The following GPHN variants were observed in gnomAD, a reference collection of about 807,000 sequenced individuals.
GPHN encodes gephyrin.
In GPHN, 17 loss-of-function variants were observed where a neutral mutation model predicts 95.5. The ratio of observed to expected loss-of-function variants is 0.18; its 90% confidence interval spans 0.12 to 0.27. The LOEUF (loss-of-function observed/expected upper bound fraction) is 0.27. GPHN is among the 10% of genes least tolerant of loss of function. The probability of loss-of-function intolerance (pLI) is 1.00; values close to 1 mark genes in which losing one functional copy is unlikely to be tolerated. For missense variants in GPHN, 660 were observed against 978.1 expected (o/e 0.67, Z 4.34); for synonymous variants, 320 against 322.5 (o/e 0.99, Z 0.08).
chr14:67,713,888 A>C, the GPHN span, among the ~76,000 whole-genome samples: 19,213 of 152,178 alleles, frequency 0.13, 1,480 homozygotes, highest in South Asian at 0.33. Flanking sequence ...GGTAGGTGAG[A>C]GAAAAACAGC....
intron 18 of GPHN, among the ~76,000 whole-genome samples, chr14:67,148,897 C>G (rs1037567847): frequency 4.6e-5 from 7 of 151,946 alleles, no homozygotes; most frequent in Non-Finnish European, 1.0e-4. Flanking sequence ...TTCTCTCATT[C>G]TCTTTCCTTT....
At chr14:67,579,370 C>T in the GPHN span, 4 of 1,329,798 alleles carry the variant, frequency 3.0e-6, no homozygotes, top group South Asian at 3.3e-5. Context: ...CCAGAGAATA[C>T]CCCTGGGCCT....
intron 1 of GPHN, among the ~76,000 whole-genome samples, chr14:66,640,912 C>A (rs139096856): frequency 1.4e-3 from 207 of 152,244 alleles, no homozygotes; most frequent in African/African-American, 4.7e-3. Context: ...TATTGGTAAT[C>A]ACATTCAATA....
At chr14:66,958,395 A>G (rs1349849207) in intron 8 of GPHN, among the ~76,000 whole-genome samples, 1 of 152,182 alleles carries the variant, frequency 6.6e-6, no homozygotes, top group Non-Finnish European at 1.5e-5. Flanking sequence ...AATCTCTTGT[A>G]GATAGCATAG....
At chr14:66,619,494 T>A (rs2063195441) in intron 1 of GPHN, among the ~76,000 whole-genome samples, 1 of 151,868 alleles carries the variant, frequency 6.6e-6, no homozygotes, top group South Asian at 2.1e-4. Context: ...TCAGGTTTTT[T>A]TTTTTTTACC....
intron 20 of GPHN, among the ~76,000 whole-genome samples, chr14:67,165,865 T>C (rs534320770): frequency 6.6e-6 from 1 of 152,196 alleles, no homozygotes; most frequent in South Asian, 2.1e-4. Context: ...CAGTTCACGA[T>C]GATTTTCAAA....
the GPHN span, chr14:67,473,095 C>T: frequency 3.1e-6 from 1 of 323,246 alleles, no homozygotes. This position sits in a 1 kb window ranked among gnomAD's most constrained non-coding sequence, Gnocchi z 6.5. Flanking sequence ...GTCCCTTGGC[C>T]AGGACAGGGC....
chr14:66,514,232 TAAGATGAAATTAGAA>T (rs2058151831), intron 1 of GPHN, among the ~76,000 whole-genome samples: 1 of 151,996 alleles, frequency 6.6e-6, no homozygotes, highest in East Asian at 1.9e-4. Flanking sequence ...TATGAGGCTT[TAAGATGAAATTAGAA>T]ACTTCAAAGA....
chr14:67,443,425 G>A, the GPHN span, among the ~76,000 whole-genome samples: 2 of 151,970 alleles, frequency 1.3e-5, no homozygotes, highest in African/African-American at 4.8e-5. Context: ...AATTTTGACA[G>A]GAAAAGAAAG....
chr14:66,997,184 G>A (rs373917627), intron 9 of GPHN, among the ~76,000 whole-genome samples: 1 of 151,860 alleles, frequency 6.6e-6, no homozygotes, highest in African/African-American at 2.4e-5. Flanking sequence ...TGGCCAACAT[G>A]GTGAAACCCC....
chr14:66,832,239 T>G (rs1043964366), intron 4 of GPHN, among the ~76,000 whole-genome samples: 2 of 152,216 alleles, frequency 1.3e-5, no homozygotes, highest in Admixed American at 1.3e-4. Context: ...GATTGATTCA[T>G]TGACTTGCCC....
the GPHN span, among the ~76,000 whole-genome samples, chr14:67,621,702 C>T: frequency 7.4e-4 from 112 of 151,768 alleles, no homozygotes; most frequent in African/African-American, 2.6e-3. Context: ...ACCTCAGCTT[C>T]CCAAAGTGCT....
intron 1 of GPHN, among the ~76,000 whole-genome samples, chr14:66,517,174 A>G (rs1166885626): frequency 1.3e-5 from 2 of 151,662 alleles, no homozygotes; most frequent in African/African-American, 4.8e-5. Context: ...ATAGAGTAAA[A>G]ATACTATTTT....
chr14:66,710,704 C>G (rs930850610), intron 2 of GPHN, among the ~76,000 whole-genome samples: 2 of 152,094 alleles, frequency 1.3e-5, no homozygotes, highest in African/African-American at 4.8e-5. Context: ...TTAAGAGCTG[C>G]AGATTTGGGC....
At chr14:67,602,370 G>A in the GPHN span, among the ~76,000 whole-genome samples, 1 of 152,160 alleles carries the variant, frequency 6.6e-6, no homozygotes, top group Non-Finnish European at 1.5e-5. Context: ...CCCCTAACAA[G>A]TGGAGATTAC....
intron 9 of GPHN, among the ~76,000 whole-genome samples, chr14:66,972,927 C>G (rs185482983): frequency 6.6e-6 from 1 of 152,162 alleles, no homozygotes; most frequent in East Asian, 1.9e-4. Flanking sequence ...TGATTTTGTA[C>G]CATCAGTGCA....
chr14:67,269,989 T>C, the GPHN span: 3 of 152,226 alleles, frequency 2.0e-5, no homozygotes, highest in African/African-American at 7.2e-5. Flanking sequence ...TGGACACTAG[T>C]GTAGACTGAA....
At chr14:67,205,452 T>C in the GPHN span, among the ~76,000 whole-genome samples, 1 of 152,194 alleles carries the variant, frequency 6.6e-6, no homozygotes, top group African/African-American at 2.4e-5. Flanking sequence ...TTCTAAAGGA[T>C]ATTAATACAA....
the GPHN span, chr14:67,349,064 T>G: frequency 6.2e-7 from 1 of 1,614,156 alleles, no homozygotes; most frequent in Non-Finnish European, 8.5e-7. Context: ...TTCGCTCGAA[T>G]CTTCACTTGC....
Sources: allele counts gnomAD v4.1 joint callset (sites outside exome capture counted in the v4.1 genomes callset), GRCh38; gene constraint gnomAD v4.1.1; non-coding constraint Gnocchi (gnomAD v3.1); transcripts MANE v1.5; gene names NCBI Gene and HGNC (gene_info 2026-07-23, HGNC 2026-07-21).